Variants in CHLSN observed in about 807,000 individuals in gnomAD.
CHLSN encodes protein cholesin.
chr7:1,122,380 C>T, the CHLSN span, among the ~76,000 whole-genome samples: 2 of 152,218 alleles, frequency 1.3e-5, no homozygotes, highest in Non-Finnish European at 1.5e-5. Flanking sequence ...AGCAGGGAGG[C>T]GGCCAGGTCA....
the CHLSN span, among the ~76,000 whole-genome samples, chr7:1,047,790 G>T: frequency 0.61 from 92,525 of 152,116 alleles, 28,999 homozygotes; most frequent in African/African-American, 0.75. Flanking sequence ...ACAACTGTCC[G>T]GGGACAATAA....
the CHLSN span, among the ~76,000 whole-genome samples, chr7:1,032,435 TA>T: frequency 1.4e-3 from 207 of 152,174 alleles, no homozygotes; most frequent in African/African-American, 4.8e-3. Context: ...GCCCTGGCCC[TA>T]AGAGGCCACA....
chr7:992,368 G>A, the CHLSN span, among the ~76,000 whole-genome samples: 14 of 152,350 alleles, frequency 9.2e-5, no homozygotes, highest in East Asian at 1.5e-3. Context: ...CAAACCTCCC[G>A]CAGCAAGCTC....
At chr7:1,016,616 C>T in the CHLSN span, among the ~76,000 whole-genome samples, 20 of 145,298 alleles carry the variant, frequency 1.4e-4, no homozygotes, top group African/African-American at 1.8e-4. Context: ...CAGCAGCGCA[C>T]GCCAGAGCAC....
chr7:1,082,820 G>A, the CHLSN span, among the ~76,000 whole-genome samples: 1 of 152,362 alleles, frequency 6.6e-6, no homozygotes, highest in Admixed American at 6.5e-5. Flanking sequence ...CGCCCGCAGA[G>A]AACTAAGGAA....
the CHLSN span, chr7:1,127,186 C>T: frequency 6.7e-7 from 1 of 1,500,274 alleles, no homozygotes; most frequent in Non-Finnish European, 8.8e-7. Context: ...GCTGAGCCAC[C>T]CCCTCTCCCT....
the CHLSN span, among the ~76,000 whole-genome samples, chr7:1,125,838 C>T: frequency 3.3e-5 from 5 of 152,306 alleles, no homozygotes; most frequent in East Asian, 7.7e-4. Context: ...GTGACGCGCG[C>T]GTCGTCAGAT....
chr7:1,025,151 G>C, the CHLSN span: 6 of 152,414 alleles, frequency 3.9e-5, no homozygotes, highest in Admixed American at 3.9e-4. Flanking sequence ...CTGCTCAGGA[G>C]GCAGCTCTGG....
the CHLSN span, chr7:1,058,298 G>A: frequency 1.7e-5 from 13 of 774,636 alleles, no homozygotes; most frequent in East Asian, 4.8e-5. Context: ...TCATCATCTC[G>A]CGAGGGAAGC....
the CHLSN span, chr7:988,561 T>A: frequency 6.3e-7 from 1 of 1,597,540 alleles, no homozygotes; most frequent in African/African-American, 1.3e-5. Flanking sequence ...TGTGCTCCCC[T>A]GGGGAGGTCC....
chr7:1,110,669 C>T, the CHLSN span, among the ~76,000 whole-genome samples: 1 of 152,182 alleles, frequency 6.6e-6, no homozygotes, highest in African/African-American at 2.4e-5. Context: ...CGTGGGAGGC[C>T]GCTGTCTGTG....
the CHLSN span, among the ~76,000 whole-genome samples, chr7:992,314 C>T: frequency 6.6e-6 from 1 of 152,204 alleles, no homozygotes; most frequent in Non-Finnish European, 1.5e-5. Flanking sequence ...CATTACCATC[C>T]TAAGTCAAGG....
the CHLSN span, among the ~76,000 whole-genome samples, chr7:1,125,900 C>T: frequency 3.3e-4 from 50 of 152,270 alleles, no homozygotes; most frequent in African/African-American, 1.0e-3. Flanking sequence ...TATGCTGTTT[C>T]GATCAACTGC....
the CHLSN span, among the ~76,000 whole-genome samples, chr7:1,073,545 T>C: frequency 1.3e-5 from 2 of 152,106 alleles, no homozygotes; most frequent in African/African-American, 4.8e-5. Flanking sequence ...TTTACTGTGG[T>C]TTCCTTCCCC....
the CHLSN span, among the ~76,000 whole-genome samples, chr7:1,101,609 C>T: frequency 0.48 from 73,476 of 152,128 alleles, 18,054 homozygotes; most frequent in African/African-American, 0.53. Flanking sequence ...GGATCAGCCT[C>T]CGCGCAGCCG....
chr7:1,026,511 C>T, the CHLSN span: 1 of 152,246 alleles, frequency 6.6e-6, no homozygotes. Flanking sequence ...GGCGTTGTTT[C>T]TAAGACAGGC....
chr7:1,044,429 G>A, the CHLSN span: 1 of 151,980 alleles, frequency 6.6e-6, no homozygotes, highest in Non-Finnish European at 1.5e-5. Flanking sequence ...ACTGGTCCGA[G>A]CGGTTCCCCG....
chr7:1,131,020 T>C, the CHLSN span, among the ~76,000 whole-genome samples: 2 of 151,780 alleles, frequency 1.3e-5, no homozygotes, highest in African/African-American at 4.8e-5. Context: ...AGGCTCCACG[T>C]CTACAAAACA....
the CHLSN span, among the ~76,000 whole-genome samples, chr7:1,034,975 C>T: frequency 5.7e-4 from 87 of 152,368 alleles, no homozygotes; most frequent in South Asian, 0.012. Flanking sequence ...GACATGATCT[C>T]ACTCTTTTTA....
Sources: gnomAD v4.1 joint callset for allele counts (sites outside exome capture counted in the v4.1 genomes callset) on GRCh38, gnomAD v4.1.1 for gene constraint, MANE v1.5 for transcripts, NCBI Gene and HGNC (gene_info 2026-07-23, HGNC 2026-07-21) for gene names.